Variants in FRMD4A observed in about 807,000 individuals in gnomAD.
The protein encoded by FRMD4A is FERM domain containing 4A, also known as FERM domain-containing protein 4A.
A neutral mutation model predicts 129.1 loss-of-function variants in FRMD4A; 29 were observed. The ratio of observed to expected loss-of-function variants is 0.22; its 90% CI spans 0.17 to 0.31. The LOEUF (loss-of-function observed/expected upper bound fraction) is 0.31, where lower values mean the gene tolerates loss of function less well. Ranked by LOEUF, FRMD4A falls within the 10% of genes least tolerant of loss-of-function variation. The probability of loss-of-function intolerance (pLI) is 1.00; values close to 1 mark genes in which losing one functional copy is unlikely to be tolerated. For missense variants in FRMD4A, 1,272 were observed against 1,375.8 expected (o/e 0.92, Z 1.19); for synonymous variants, 634 against 571.6 (o/e 1.11, Z -1.56).
intron 2 of FRMD4A, among the ~76,000 whole-genome samples, chr10:14,309,157 T>C (rs1457450020): frequency 6.6e-6 from 1 of 152,188 alleles, no homozygotes; most frequent in African/African-American, 2.4e-5. Context: ...CTGTTAAAAA[T>C]CGTACATGTA....
At position 13,654,753 on chromosome 10, in the gene FRMD4A, C is replaced by T. The variant is rs905948480; in HGVS notation, c.2954-241G>A. The T allele has an allele frequency of 7.4e-6, 4 of 541,350 alleles. No individual in the cohort carries two copies. The Admixed American group carries it at 1.4e-4, about 18-fold the overall frequency. The allele number at this position is 541,350 out of a possible 1,614,324, so 33.5% of individuals were successfully genotyped here. On this transcript the variant is annotated intron_variant, in intron 22 of 24. Transcript: ENST00000357447. ...ATTCCATTTTCTACCCACTACCATG[C>T]ACCTTCATTCTGAGTCAAGCTGACC...
rs544004365 is a variant in FRMD4A, at chr10:14,259,963, C to T, written c.45+70095G>A. ...AAGTCTTTGAGGAATGCAATACTCA[C>T]GTCTTCAGAAAAAAAGAATCTCTAA... On this transcript the variant is annotated intron_variant, in intron 2 of 24. Coordinates refer to ENST00000357447, the MANE Select transcript of FRMD4A (RefSeq NM_018027.5). 3.6e-4 allele frequency among the ~76,000 whole-genome samples: 54 copies of T among 149,584 alleles called. 1 individual carries two copies. The highest frequency in any genetic ancestry group is 6.8e-3 in the Middle Eastern group (2 of 292).
intron 2 of FRMD4A, among the ~76,000 whole-genome samples, chr10:13,969,611 G>A (rs1034043661): frequency 2.6e-5 from 4 of 152,206 alleles, no homozygotes; most frequent in Non-Finnish European, 4.4e-5. Flanking sequence ...AGCGCTTTGG[G>A]AGGCCGAGGC....
intron 3 of FRMD4A, among the ~76,000 whole-genome samples, chr10:13,817,377 T>C (rs1234417291): frequency 1.3e-5 from 2 of 152,244 alleles, no homozygotes; most frequent in African/African-American, 2.4e-5. Context: ...TCCTGACTAC[T>C]TCCTGGCCTG....
intron 2 of FRMD4A, among the ~76,000 whole-genome samples, chr10:13,866,795 T>C (rs1756267533): frequency 6.6e-6 from 1 of 152,170 alleles, no homozygotes; most frequent in South Asian, 2.1e-4. Context: ...CTACTAAAAA[T>C]ACAAAAATTA....
At chr10:14,022,652 G>C (rs1163834117) in intron 2 of FRMD4A, among the ~76,000 whole-genome samples, 1 of 152,146 alleles carries the variant, frequency 6.6e-6, no homozygotes, top group African/African-American at 2.4e-5. Flanking sequence ...ATAATGGATG[G>C]AAGAACTGGA....
At chr10:14,082,431 G>A (rs1381791125) in intron 2 of FRMD4A, among the ~76,000 whole-genome samples, 1 of 152,168 alleles carries the variant, frequency 6.6e-6, no homozygotes, top group Non-Finnish European at 1.5e-5. Context: ...GGAGTAGCTA[G>A]ACGTCCTACA....
intron 2 of FRMD4A, among the ~76,000 whole-genome samples, chr10:14,168,736 A>G (rs1841321157): frequency 6.6e-6 from 1 of 152,236 alleles, no homozygotes; most frequent in Non-Finnish European, 1.5e-5. Context: ...ACATGAATGT[A>G]TTAACTTCTC....
At chr10:13,907,861 TA>T (rs34704231) in intron 2 of FRMD4A, among the ~76,000 whole-genome samples, 7 of 145,534 alleles carry the variant, frequency 4.8e-5, no homozygotes, top group African/African-American at 5.0e-5. Flanking sequence ...TAAAGTCACT[TA>T]AAAAAAAAAA....
At chr10:14,147,510 T>C (rs1376709137) in intron 2 of FRMD4A, among the ~76,000 whole-genome samples, 1 of 152,126 alleles carries the variant, frequency 6.6e-6, no homozygotes, top group Non-Finnish European at 1.5e-5. Flanking sequence ...CTCGCCATAA[T>C]GTAGAATCAG....
intron 2 of FRMD4A, among the ~76,000 whole-genome samples, chr10:14,279,122 G>C (rs374673458): frequency 6.6e-6 from 1 of 151,740 alleles, no homozygotes; most frequent in East Asian, 1.9e-4. Flanking sequence ...TAGAAAGTGA[G>C]AGGTGGATTC....
At chr10:13,669,922 G>T (rs2083378041) in intron 17 of FRMD4A, among the ~76,000 whole-genome samples, 1 of 152,216 alleles carries the variant, frequency 6.6e-6, no homozygotes, top group African/African-American at 2.4e-5. Flanking sequence ...ATTCTTGGAG[G>T]GATGTGAGTA....
chr10:13,857,520 C>T (rs12252768), intron 3 of FRMD4A, among the ~76,000 whole-genome samples: 2,985 of 151,994 alleles, frequency 0.02, 115 homozygotes, highest in African/African-American at 0.068. Flanking sequence ...TCCTATATTG[C>T]ATTTATAAAG....
chr10:13,950,941 C>CA (rs2095366611), intron 2 of FRMD4A, among the ~76,000 whole-genome samples: 3 of 152,036 alleles, frequency 2.0e-5, no homozygotes, highest in South Asian at 4.2e-4. Context: ...TAATGCTGCT[C>CA]AAAAAATACT....
chr10:13,810,989 T>A, intron 3 of FRMD4A, 81 bp from the exon 4 acceptor site: 1 of 700,440 alleles, frequency 1.4e-6, no homozygotes. Flanking sequence ...GTTTCCATAA[T>A]TTTTTCAATG....
At chr10:14,001,568 A>T (rs1354025490) in intron 2 of FRMD4A, among the ~76,000 whole-genome samples, 1 of 152,248 alleles carries the variant, frequency 6.6e-6, no homozygotes, top group African/African-American at 2.4e-5. Context: ...TCTACCCAAG[A>T]TGAGAAGTCA....
In FRMD4A at chr10:13,651,897, C is replaced by G. The variant is rs549188018; in HGVS notation, c.*2+6G>C. 2 of 1,484,660 alleles carry G rather than the reference C, an allele frequency of 1.3e-6. No homozygotes were observed. The highest frequency in any genetic ancestry group is 1.4e-5 in the African/African-American group (1 of 72,806). 92.0% of individuals were successfully genotyped at this position (1,484,660 alleles called of 1,614,324 possible). A position where few individuals can be genotyped will look rare whatever the true frequency, so the allele number is the denominator to read the frequency against. ...GGCAGTAGGAACAAAACTCCCCTTA[C>G]GGTACCTCTATTCATCAGTACTTTG... On this transcript the variant is annotated splice_donor_region_variant and intron_variant, in intron 24 of 24. Coordinates refer to ENST00000357447, the MANE Select transcript of FRMD4A (RefSeq NM_018027.5).
Position 14,261,302 on chromosome 10 carries a change from G to T in FRMD4A, c.45+68756C>A, listed in dbSNP as rs544682317. On this transcript the variant is annotated intron_variant, in intron 2 of 24. Transcript: ENST00000357447. ...GCTTGATTATAAATTTCCTATACATGATGGGTTAAATAGCTATTTGGAGAG... is the reference window on the plus strand; with the variant it reads ...GCTTGATTATAAATTTCCTATACATTATGGGTTAAATAGCTATTTGGAGAG... 3.9e-5 allele frequency among the ~76,000 whole-genome samples: 6 copies of T among 152,312 alleles called. No individual in the cohort carries two copies. In the East Asian group the frequency reaches 1.2e-3, roughly 29 times the overall value.
chr10:13,966,296 GT>G (rs1232219248), intron 2 of FRMD4A, among the ~76,000 whole-genome samples: 1 of 152,070 alleles, frequency 6.6e-6, no homozygotes, highest in African/African-American at 2.4e-5. Context: ...GTGTAAGTTT[GT>G]ATAATTTTTA....
Sources: allele counts gnomAD v4.1 joint callset (sites outside exome capture counted in the v4.1 genomes callset), GRCh38; gene constraint gnomAD v4.1.1; transcripts MANE v1.5; gene names NCBI Gene and HGNC (gene_info 2026-07-23, HGNC 2026-07-21).